WDR73: variants seen among roughly 807,000 people sequenced by gnomAD.
WDR73 encodes integrator complex assembly factor WDR73.
A neutral mutation model predicts 38.2 loss-of-function variants in WDR73; 30 were observed. The ratio of observed to expected loss-of-function variants is 0.79; its 90% CI spans 0.59 to 1.06. The LOEUF (loss-of-function observed/expected upper bound fraction) is 1.06. Among genes scored for constraint, WDR73 ranks in the 50% least tolerant of loss-of-function variants. The pLI, the probability that WDR73 is intolerant of heterozygous loss-of-function variation, is 0.00. For synonymous variants in WDR73, 197 were observed against 176.0 expected (o/e 1.12, Z -0.94); for missense variants, 487 against 467.0 (o/e 1.04, Z -0.40).
rs766790892 is a variant in WDR73, at chr15:84,646,169, A to G, written c.517+15T>C. On this transcript the variant is annotated intron_variant, in intron 6 of 7. Coordinates refer to ENST00000434634, the MANE Select transcript of WDR73 (RefSeq NM_032856.5). ...CCGGCTGGAGCAGCAAGCAAGGGAC[A>G]AAGTACCACGGTACCTGAGGTGTAC... 137 of 1,613,360 alleles carry G rather than the reference A, an allele frequency of 8.5e-5. No homozygotes were observed. In the South Asian group the frequency reaches 1.4e-3, roughly 17 times the overall value.
chr15:84,647,766 C>A, intron 5 of WDR73, 124 bp downstream of exon 5: 1 of 939,570 alleles, frequency 1.1e-6, no homozygotes, highest in Non-Finnish European at 1.7e-6. Context: ...CAAAGTGCTA[C>A]AATTACAGGC....
At chr15:84,648,768 T>C (rs1197566754) in intron 3 of WDR73, 143 bp from the exon 4 acceptor site, 5 of 661,244 alleles carry the variant, frequency 7.6e-6, no homozygotes, top group Non-Finnish European at 1.3e-5. Flanking sequence ...GTCCTGGTAT[T>C]TGGCAATGTT....
At position 84,641,880 on chromosome 15, in the gene WDR73, T is replaced by TA. The variant is rs1426782572; in HGVS notation, c.*1589dup. On this transcript the variant is annotated 3_prime_UTR_variant, in exon 8 of 8. Coordinates refer to ENST00000434634, the MANE Select transcript of WDR73 (RefSeq NM_032856.5). The stretch of plus-strand genomic sequence containing the variant: ...TTAAATAAAAATCTTTCTTTTTTTT[T>TA]AGAGACAGGGGTTCACCATGGTGCC... 6.6e-6 allele frequency: 1 copy of TA among 152,102 alleles called. No individual in the cohort carries two copies. The highest frequency in any genetic ancestry group is 1.5e-5 in the Non-Finnish European group (1 of 68,032). The allele number at this position is 152,102 out of a possible 1,614,324, so 9.4% of individuals were successfully genotyped here.
rs1245953062 is a variant in WDR73 at position 84,640,204 on chromosome 15, G to C, written c.*3266C>G. The C allele has an allele frequency of 6.6e-6, 1 of 152,232 alleles. No homozygotes were observed. Among genetic ancestry groups the C allele is most frequent in the African/African-American group, 2.4e-5 (1 of 41,444 alleles). The allele number at this position is 152,232 out of a possible 1,614,324, so 9.4% of individuals were successfully genotyped here. ...CCCACAATGGACCTCAGAGCAGTGG[G>C]AGCGACGCAGTCCTGTGGGAAGCAT... is the stretch of plus-strand genomic sequence containing the variant. On this transcript the variant is annotated 3_prime_UTR_variant, in exon 8 of 8. Transcript: ENST00000434634.
chr15:84,643,824 C>G, intron 7 of WDR73, 101 bp from the exon 8 acceptor site: 2 of 1,368,424 alleles, frequency 1.5e-6, no homozygotes, highest in Non-Finnish European at 1.9e-6. Flanking sequence ...ACCATGTTGA[C>G]CAGGATGGTC....
chr15:84,647,086 G>C (rs1027838216), intron 5 of WDR73: 19 of 152,220 alleles, frequency 1.2e-4, no homozygotes, highest in African/African-American at 4.1e-4. Context: ...GTAGAGACGG[G>C]GTTTCGCCAT....
In WDR73 at chr15:84,646,202, TC is replaced by T. The variant is rs1269778219; in HGVS notation, c.498del (p.Lys167ArgfsTer14). The T allele has an allele frequency of 6.2e-7, 1 of 1,613,630 alleles. No homozygotes were observed. Among genetic ancestry groups the T allele is most frequent in the Non-Finnish European group, 8.5e-7 (1 of 1,179,888 alleles). On this transcript the variant is annotated frameshift_variant, in exon 6 of 8. Transcript: ENST00000434634. LOFTEE classifies it high-confidence loss of function. ...RSLQVVDLES[R>X]KTTYTSDVSD... ...ACGGTACCTGAGGTGTACGTGGTCT[TC>T]CGGGACTCCAGATCAACGACCTGCA...
In WDR73 at chr15:84,645,534, G is replaced by T; in HGVS notation, c.820C>A (p.Pro274Thr). 1 of 1,612,200 alleles carries T rather than the reference G, an allele frequency of 6.2e-7. No individual in the cohort carries two copies. ...SVQCPVSVPS[P>T]DPELLRVTWA... ...GTCACTCGCAGCAGCTCTGGGTCAG[G>T]GCTAGGTACGGATACTGGGCACTGG... Residue 274 changes from proline (P) to threonine (T), a missense_variant, in exon 7 of 8, where the codon CCT (proline) becomes ACT (threonine). Physicochemically the swap from Pro to Thr is conservative, Grantham distance 38. Coordinates refer to ENST00000434634, the MANE Select transcript of WDR73 (RefSeq NM_032856.5).
At position 84,641,955 on chromosome 15, in the gene WDR73, C is replaced by G. The variant is rs1427445089; in HGVS notation, c.*1515G>C. ...GACTCAAGCTATCCTCCCACCTCAG[C>G]CTCCCAAAGTACTGGGATTACAGAC... On this transcript the variant is annotated 3_prime_UTR_variant, in exon 8 of 8. Coordinates refer to ENST00000434634, the MANE Select transcript of WDR73 (RefSeq NM_032856.5). The G allele has an allele frequency of 6.6e-6, 1 of 152,166 alleles. No homozygotes were observed. The highest frequency in any genetic ancestry group is 1.5e-5 in the Non-Finnish European group (1 of 68,044). 9.4% of individuals were successfully genotyped at this position (152,166 alleles called of 1,614,324 possible).
intron 2 of WDR73, 192 bp downstream of exon 2, chr15:84,653,440 G>A (rs928539743): frequency 1.9e-6 from 1 of 513,766 alleles, no homozygotes; most frequent in African/African-American, 1.9e-5. Context: ...AAAGTGCTGG[G>A]ATTACAGGCG....
intron 3 of WDR73, among the ~76,000 whole-genome samples, chr15:84,650,447 A>G (rs959122150): frequency 4.6e-5 from 7 of 151,026 alleles, no homozygotes; most frequent in African/African-American, 1.2e-4. Flanking sequence ...TGCAAGCTCC[A>G]CCTCCCAGGT....
chr15:84,649,270 G>A (rs1477802761), intron 3 of WDR73, among the ~76,000 whole-genome samples: 1 of 152,156 alleles, frequency 6.6e-6, no homozygotes, highest in Non-Finnish European at 1.5e-5. Context: ...CAGAGGCAAG[G>A]GAAAAGGAGG....
rs1896244085 is a variant in WDR73, at chr15:84,641,099, G to A, written c.*2371C>T. On this transcript the variant is annotated 3_prime_UTR_variant, in exon 8 of 8. Transcript: ENST00000434634. Reference sequence around the variant, plus strand: ...CATTTCACCTGTCACTTCCAGACATGGGAGCAGAAAGTGAATTTCAGAACT... The same window carrying A: ...CATTTCACCTGTCACTTCCAGACATAGGAGCAGAAAGTGAATTTCAGAACT... The A allele has an allele frequency of 6.6e-6, 1 of 150,778 alleles. No homozygotes were observed. Among genetic ancestry groups the A allele is most frequent in the Non-Finnish European group, 1.5e-5 (1 of 68,052 alleles). The allele number at this position is 150,778 out of a possible 1,614,324, so 9.3% of individuals were successfully genotyped here.
At position 84,639,613 on chromosome 15, in the gene WDR73, C is replaced by G. The variant is rs974572132; in HGVS notation, c.*3857G>C. ...GAGAAAAAGAGAGTGTGAAAGACTG[C>G]TCAGTGGCTGGGGTGAGAGTCAAGT... On this transcript the variant is annotated 3_prime_UTR_variant, in exon 8 of 8. Transcript: ENST00000434634. 4 of 152,188 alleles carry G rather than the reference C, an allele frequency of 2.6e-5. No homozygotes were observed. Among genetic ancestry groups the G allele is most frequent in the African/African-American group, 9.7e-5 (4 of 41,394 alleles). 9.4% of individuals were successfully genotyped at this position (152,188 alleles called of 1,614,324 possible). A position where few individuals can be genotyped will look rare whatever the true frequency, so the allele number is the denominator to read the frequency against.
rs777462378 is a variant in WDR73, at chr15:84,645,590, G to A, written c.764C>T (p.Pro255Leu). ...GSDGRLCLLD[P>L]RDLCHPVSSV... ...GCTCACAGGATGGCAGAGATCCCGG[G>A]GGTCAAGAAGACAAAGACGCCCATC... The change falls in exon 7 of 8, where the codon CCC becomes CTC. Residue 255 changes from proline to leucine, a missense_variant. Physicochemically the swap from Pro to Leu is moderately conservative, Grantham distance 98. Transcript: ENST00000434634. 5.0e-6 allele frequency: 8 copies of A among 1,611,072 alleles called. No homozygotes were observed. The East Asian group carries it at 1.3e-4, about 27-fold the overall frequency.
intron 4 of WDR73, chr15:84,648,272 T>C: frequency 1.7e-6 from 1 of 585,434 alleles, no homozygotes. Flanking sequence ...GAAGAGCATC[T>C]TTCTGTCCCG....
At chr15:84,646,529 G>C in intron 5 of WDR73, 181 bp from the exon 6 acceptor site, 1 of 905,670 alleles carries the variant, frequency 1.1e-6, no homozygotes, top group Non-Finnish European at 1.5e-6. Context: ...GAAACCATCA[G>C]AAACATTTCA....
Position 84,645,477 on chromosome 15 carries a change from T to C in WDR73, c.877A>G (p.Ile293Val). 3 of 1,612,106 alleles carry C rather than the reference T, an allele frequency of 1.9e-6. No individual in the cohort carries two copies. The highest frequency in any genetic ancestry group is 2.5e-6 in the Non-Finnish European group (3 of 1,178,904). ...AAATCCTGCTCGGCAGTACCTGAGATGGCCAAGCAATTCTTCAGGCCTGGG... is the reference window on the plus strand; with the variant it reads ...AAATCCTGCTCGGCAGTACCTGAGACGGCCAAGCAATTCTTCAGGCCTGGG... ...WAPGLKNCLA[I>V]SGFDGTVQVY... is the part of the protein sequence containing the mutation. Residue 293 changes from isoleucine (I) to valine (V), a missense_variant, in exon 7 of 8, where the codon ATC becomes GTC. Transcript: ENST00000434634.
In WDR73 at chr15:84,653,675, G is replaced by A; in HGVS notation, c.66C>T (p.Asp22=). 3 of 1,595,348 alleles carry A rather than the reference G, an allele frequency of 1.9e-6. No homozygotes were observed. The highest frequency in any genetic ancestry group is 2.6e-6 in the Non-Finnish European group (3 of 1,170,674). The change falls in exon 2 of 8, where the codon GAC becomes GAT. Residue 22 remains aspartate (D), a synonymous_variant. Coordinates refer to ENST00000434634, the MANE Select transcript of WDR73 (RefSeq NM_032856.5). ...CAAGGACTCGAGTGGCTCCTGACAG[G>A]TCGAATGCATAGAAATCCTGGTACC... The part of the protein sequence containing the change: ...LRLYQDFYAF[D]LSGATRVLEW...
Sources: gnomAD v4.1 joint callset for allele counts (sites outside exome capture counted in the v4.1 genomes callset) on GRCh38, gnomAD v4.1.1 for gene constraint, MANE v1.5 for transcripts, NCBI Gene and HGNC (gene_info 2026-07-23, HGNC 2026-07-21) for gene names.